The following CDK5RAP2 variants were observed in gnomAD, a reference collection of about 807,000 sequenced individuals.
The protein encoded by CDK5RAP2 is CDK5 regulatory subunit associated protein 2.
Under a neutral mutation model 232.9 loss-of-function variants are expected in CDK5RAP2, and 147 were observed. The ratio of observed to expected loss-of-function variants is 0.63; its 90% CI spans 0.55 to 0.72. The LOEUF (loss-of-function observed/expected upper bound fraction) is 0.72. Ranked by LOEUF, CDK5RAP2 falls within the 30% of genes least tolerant of loss-of-function variation. CDK5RAP2 has a pLI of 0.00. For synonymous variants in CDK5RAP2, 833 were observed against 833.7 expected, an observed-to-expected ratio of 1.00 and a Z score of 0.01; for missense variants, 2,195 against 2,231.5, an observed-to-expected ratio of 0.98 and a Z score of 0.33.
chr9:120,477,255 G>C, intron 15 of CDK5RAP2, 95 bp downstream of exon 15: 1 of 965,162 alleles, frequency 1.0e-6, no homozygotes, highest in South Asian at 1.3e-5. Flanking sequence ...TGCTGCCTTA[G>C]AGATCAGCAC....
chr9:120,485,991 T>C (rs1473338629), intron 14 of CDK5RAP2, among the ~76,000 whole-genome samples: 1 of 152,196 alleles, frequency 6.6e-6, no homozygotes, highest in Admixed American at 6.5e-5. Context: ...GTTCAGCCAA[T>C]GATACCCCCA....
intron 23 of CDK5RAP2, among the ~76,000 whole-genome samples, chr9:120,442,627 A>G (rs1406415690): frequency 2.0e-5 from 3 of 152,252 alleles, no homozygotes; most frequent in Non-Finnish European, 4.4e-5. Context: ...AACTATCAAG[A>G]AGAAATCAAA....
At chr9:120,449,814 T>C (rs988399782) in intron 21 of CDK5RAP2, among the ~76,000 whole-genome samples, 2 of 152,084 alleles carry the variant, frequency 1.3e-5, no homozygotes, top group African/African-American at 4.8e-5. Flanking sequence ...CAAATCACAA[T>C]AAAATACCAC....
intron 3 of CDK5RAP2, among the ~76,000 whole-genome samples, chr9:120,555,493 G>A (rs1435615421): frequency 1.3e-5 from 2 of 151,960 alleles, no homozygotes; most frequent in African/African-American, 2.4e-5. Flanking sequence ...TGAGAGGACT[G>A]GGCCTCCCAA....
In CDK5RAP2 at chr9:120,460,652, C is replaced by G; in HGVS notation, c.2122G>C (p.Glu708Gln). The change falls in exon 19 of 38, where the codon GAG becomes CAG. Residue 708 changes from glutamate to glutamine, a missense_variant. Physicochemically the swap from Glu to Gln is conservative, Grantham distance 29 (BLOSUM62 2). Transcript: ENST00000349780. ...TEQTELLASK[E>Q]DEDTIKIGED... is the part of the protein sequence containing the mutation. ...CCAATTTTGATCGTGTCCTCGTCCT[C>G]CTTGCTAGCCAGAAGCTACATGGAG... The G allele has an allele frequency of 3.7e-6, 6 of 1,614,110 alleles. No individual in the cohort carries two copies. Among genetic ancestry groups the G allele is most frequent in the Non-Finnish European group, 5.1e-6 (6 of 1,180,010 alleles).
chr9:120,466,412 T>A (rs891070821), intron 18 of CDK5RAP2, among the ~76,000 whole-genome samples: 1 of 152,180 alleles, frequency 6.6e-6, no homozygotes, highest in Admixed American at 6.5e-5. Context: ...AGAACAAGGC[T>A]ATTCATGGGG....
intron 12 of CDK5RAP2, chr9:120,517,757 C>A: frequency 4.4e-6 from 1 of 226,166 alleles, no homozygotes; most frequent in Non-Finnish European, 9.2e-6. Context: ...GTTATTATAC[C>A]TCTATCAGGA....
At chr9:120,535,526 A>G (rs1482499446) in intron 7 of CDK5RAP2, among the ~76,000 whole-genome samples, 4 of 152,254 alleles carry the variant, frequency 2.6e-5, no homozygotes, top group African/African-American at 9.6e-5. Flanking sequence ...AACAATTTCT[A>G]TCAAATTCCA....
intron 12 of CDK5RAP2, among the ~76,000 whole-genome samples, chr9:120,511,739 T>C (rs2040097753): frequency 6.8e-6 from 1 of 146,530 alleles, no homozygotes; most frequent in Non-Finnish European, 1.5e-5. Context: ...AACATGCTTT[T>C]TTTTTTTTTT....
intron 24 of CDK5RAP2, among the ~76,000 whole-genome samples, chr9:120,438,902 G>A (rs1238479103): frequency 6.6e-6 from 1 of 152,120 alleles, no homozygotes; most frequent in East Asian, 1.9e-4. Context: ...TTATCTTCAT[G>A]ACCTAAGAAT....
chr9:120,402,377 G>A (rs1034077840), intron 34 of CDK5RAP2, among the ~76,000 whole-genome samples: 1 of 152,144 alleles, frequency 6.6e-6, no homozygotes, highest in African/African-American at 2.4e-5. Flanking sequence ...AACAGAGATA[G>A]AATTGTTTTG....
chr9:120,414,899 CAG>C, intron 28 of CDK5RAP2, 139 bp downstream of exon 28: 3 of 919,866 alleles, frequency 3.3e-6, no homozygotes, highest in Non-Finnish European at 5.2e-6. Flanking sequence ...TTCAGGATGC[CAG>C]AGGCTGGCAG....
intron 12 of CDK5RAP2, among the ~76,000 whole-genome samples, chr9:120,516,651 C>T (rs962866644): frequency 2.6e-5 from 4 of 152,122 alleles, no homozygotes; most frequent in African/African-American, 9.7e-5. Flanking sequence ...CACAGCCAGA[C>T]CCTGTCTCCA....
intron 32 of CDK5RAP2, among the ~76,000 whole-genome samples, chr9:120,404,396 G>A (rs1269234989): frequency 2.0e-5 from 3 of 152,220 alleles, no homozygotes; most frequent in African/African-American, 7.2e-5. Flanking sequence ...AACACAGGCT[G>A]TTGGGGCTCA....
chr9:120,475,151 C>G (rs186640150), intron 15 of CDK5RAP2, among the ~76,000 whole-genome samples: 2 of 152,268 alleles, frequency 1.3e-5, no homozygotes, highest in African/African-American at 2.4e-5. Context: ...AGTAGGCAGA[C>G]CAGCCAATCT....
Position 120,394,557 on chromosome 9 carries a change from G to T in CDK5RAP2, c.5533C>A (p.Leu1845Ile). 1 of 1,614,140 alleles carries T rather than the reference G, an allele frequency of 6.2e-7. No individual in the cohort carries two copies. The highest frequency in any genetic ancestry group is 8.5e-7 in the Non-Finnish European group (1 of 1,179,986). ...QEKKLQNTMK[L>I]LQLSKRQEKV... ...TCCTGGCGCTTGCTCAGCTGCAAAAGCTTCATGGTGTTTTGCAACTTCTTT... is the reference window on the plus strand; with the variant it reads ...TCCTGGCGCTTGCTCAGCTGCAAAATCTTCATGGTGTTTTGCAACTTCTTT... The change falls in exon 36 of 38, where the codon CTT becomes ATT. Residue 1845 changes from leucine (L) to isoleucine (I), a missense_variant. By Grantham distance (5) the Leu-to-Ile change is conservative. Transcript: ENST00000349780.
intron 3 of CDK5RAP2, among the ~76,000 whole-genome samples, chr9:120,558,260 C>A (rs1004846046): frequency 1.4e-5 from 2 of 145,606 alleles, no homozygotes; most frequent in Non-Finnish European, 3.0e-5. Context: ...GTAGTCCCAG[C>A]TACTCCGGAG....
chr9:120,525,528 C>T (rs1347068991), intron 10 of CDK5RAP2, among the ~76,000 whole-genome samples: 1 of 152,066 alleles, frequency 6.6e-6, no homozygotes, highest in Non-Finnish European at 1.5e-5. Flanking sequence ...TTGCCAGCAC[C>T]CAGAGCAGCT....
At chr9:120,436,317 G>A (rs10984914) in intron 25 of CDK5RAP2, among the ~76,000 whole-genome samples, 10,258 of 152,238 alleles carry the variant, frequency 0.067, 623 homozygotes, top group East Asian at 0.29. Flanking sequence ...AACTATTGAA[G>A]TATGTTCACA....
Sources: allele counts gnomAD v4.1 joint callset (sites outside exome capture counted in the v4.1 genomes callset), GRCh38; gene constraint gnomAD v4.1.1; transcripts MANE v1.5; gene names NCBI Gene and HGNC (gene_info 2026-07-23, HGNC 2026-07-21).